The following TTBK2 variants were observed in gnomAD, a reference collection of about 807,000 sequenced individuals.
TTBK2 encodes the protein tau tubulin kinase 2.
TTBK2 carries 28 observed loss-of-function variants against 110.8 expected under a neutral mutation model. That is an observed-to-expected ratio of 0.25 (90% CI 0.19 to 0.35). The LOEUF (loss-of-function observed/expected upper bound fraction) is 0.35, where lower values mean the gene tolerates loss of function less well. TTBK2 is among the 10% of genes least tolerant of loss of function. The pLI, the probability that TTBK2 is intolerant of heterozygous loss-of-function variation, is 1.00. For missense variants in TTBK2, 1,369 were observed against 1,500.3 expected, an observed-to-expected ratio of 0.91 and a Z score of 1.45; for synonymous variants, 532 against 527.3, an observed-to-expected ratio of 1.01 and a Z score of -0.12.
chr15:42,855,326 C>T (rs1043851852), intron 3 of TTBK2: 2 of 152,098 alleles, frequency 1.3e-5, no homozygotes, highest in African/African-American at 2.4e-5. Context: ...GCAATTAGTA[C>T]CCTAGTGGTC....
chr15:42,856,719 T>C (rs1379497300), intron 3 of TTBK2, among the ~76,000 whole-genome samples: 4 of 152,150 alleles, frequency 2.6e-5, no homozygotes, highest in Non-Finnish European at 5.9e-5. Flanking sequence ...AAATTTTTTT[T>C]ATGAAAAAAG....
intron 3 of TTBK2, among the ~76,000 whole-genome samples, chr15:42,845,633 CAAAAAAA>C (rs894783459): frequency 6.5e-5 from 1 of 15,280 alleles, no homozygotes; most frequent in African/African-American, 1.3e-4. Context: ...GGCTGCATCT[CAAAAAAA>C]AAAAAAAAAA....
At chr15:42,818,559 A>C (rs1892143170) in intron 6 of TTBK2, among the ~76,000 whole-genome samples, 1 of 151,948 alleles carries the variant, frequency 6.6e-6, no homozygotes, top group Non-Finnish European at 1.5e-5. Flanking sequence ...CTCTACTAAA[A>C]ATACAAAAAA....
At position 42,779,585 on chromosome 15, in the gene TTBK2, C is replaced by T. The variant is rs1214202773; in HGVS notation, c.1198-2343G>A. On this transcript the variant is annotated intron_variant, in intron 11 of 14. Transcript: ENST00000267890. Reference sequence around the variant, plus strand: ...AAAGGAACTTCTGAAGGAAATATTTCCGGAAGAAAGATGAGCCAAGGACTT... The same window carrying T: ...AAAGGAACTTCTGAAGGAAATATTTTCGGAAGAAAGATGAGCCAAGGACTT... Among the ~76,000 whole-genome samples, 4 of 152,202 alleles carry T rather than the reference C, an allele frequency of 2.6e-5. No homozygotes were observed. In the East Asian group the frequency reaches 7.7e-4, roughly 29 times the overall value.
chr15:42,832,829 T>G (rs1250169566), intron 4 of TTBK2, among the ~76,000 whole-genome samples: 1 of 152,172 alleles, frequency 6.6e-6, no homozygotes, highest in Non-Finnish European at 1.5e-5. Flanking sequence ...TACCCAGATG[T>G]CCAGGGTTCA....
chr15:42,912,210 C>T (rs1409804549), intron 1 of TTBK2, among the ~76,000 whole-genome samples: 1 of 152,048 alleles, frequency 6.6e-6, no homozygotes, highest in African/African-American at 2.4e-5. Context: ...CTGTTTCAGT[C>T]GGCAAGGTGG....
chr15:42,907,922 T>A (rs1197534), intron 1 of TTBK2, among the ~76,000 whole-genome samples: 5,393 of 140,978 alleles, frequency 0.038, 105 homozygotes, highest in Middle Eastern at 0.067. Flanking sequence ...AAAAAAAAAA[T>A]AATAATAATA....
At chr15:42,808,655 T>G (rs894073832) in intron 9 of TTBK2, among the ~76,000 whole-genome samples, 2 of 151,700 alleles carry the variant, frequency 1.3e-5, no homozygotes, top group Non-Finnish European at 2.9e-5. Flanking sequence ...GAGACCTGCT[T>G]GGGCAACATA....
chr15:42,906,924 C>T (rs1490518426), intron 1 of TTBK2, among the ~76,000 whole-genome samples: 6 of 151,730 alleles, frequency 4.0e-5, no homozygotes, highest in South Asian at 2.1e-4. Flanking sequence ...GTGGCTCATG[C>T]CTATAATCTC....
chr15:42,917,180 A>G (rs938942797), intron 1 of TTBK2, among the ~76,000 whole-genome samples: 1 of 152,110 alleles, frequency 6.6e-6, no homozygotes, highest in Admixed American at 6.5e-5. Flanking sequence ...ATATACAATA[A>G]AAAACAGCTA....
Position 42,752,684 on chromosome 15 carries a change from A to C in TTBK2, c.2562T>G (p.Ile854Met), listed in dbSNP as rs2061883369. The change falls in exon 14 of 15, where the codon ATT becomes ATG. Residue 854 changes from isoleucine (I) to methionine (M), a missense_variant. Transcript: ENST00000267890. Reference protein sequence around the residue: ...MKLLTVGTSEISSRDIDPHVE... With the variant: ...MKLLTVGTSEMSSRDIDPHVE... The stretch of plus-strand genomic sequence containing the variant: ...CATGTGGGTCAATGTCTCTGGAAGA[A>C]ATTTCTGAAGTTCCAACTGTCAGAA... 1 of 1,614,122 alleles carries C rather than the reference A, an allele frequency of 6.2e-7. No individual in the cohort carries two copies. Among genetic ancestry groups the C allele is most frequent in the African/African-American group, 1.3e-5 (1 of 75,028 alleles).
chr15:42,796,207 C>G (rs1223899128), intron 9 of TTBK2, among the ~76,000 whole-genome samples: 1 of 152,150 alleles, frequency 6.6e-6, no homozygotes, highest in African/African-American at 2.4e-5. Flanking sequence ...GGTTCAAGAC[C>G]AGCCTGGCCA....
Position 42,872,635 on chromosome 15 carries a change from C to T in TTBK2, c.193G>A (p.Val65Ile). 1 of 1,614,102 alleles carries T rather than the reference C, an allele frequency of 6.2e-7. No individual in the cohort carries two copies. The highest frequency in any genetic ancestry group is 8.5e-7 in the Non-Finnish European group (1 of 1,180,012). The change falls in exon 3 of 15, where the codon GTT becomes ATT. Residue 65 changes from valine to isoleucine, a missense_variant. Transcript: ENST00000267890. ...QQPKQVLKME[V>I]AVLKKLQGKD... ...CCTTGCAGCTTTTTCAAAACAGCAA[C>T]TTCCATTTTCAGAACTTGTTTTGGT...
intron 13 of TTBK2, among the ~76,000 whole-genome samples, chr15:42,759,659 A>G (rs185450071): frequency 0.012 from 1,795 of 152,316 alleles, 135 homozygotes; most frequent in Admixed American, 0.11. Flanking sequence ...AAACATCACC[A>G]GCATGGGTTA....
chr15:42,816,085 A>ATATATATATATATATATATATAT (rs1567040790), intron 7 of TTBK2, among the ~76,000 whole-genome samples: 2 of 67,448 alleles, frequency 3.0e-5, no homozygotes, highest in South Asian at 5.1e-4. Flanking sequence ...TAAATAAATA[A>ATATATATATATATATATATATAT]ATATATATAT....
intron 2 of TTBK2, among the ~76,000 whole-genome samples, chr15:42,874,846 C>T (rs1214156708): frequency 2.6e-5 from 4 of 151,470 alleles, no homozygotes; most frequent in African/African-American, 7.3e-5. Context: ...ATTAGCCGGG[C>T]GTGGTGGCAT....
At chr15:42,915,028 C>T (rs553819363) in intron 1 of TTBK2, among the ~76,000 whole-genome samples, 1 of 152,336 alleles carries the variant, frequency 6.6e-6, no homozygotes, top group African/African-American at 2.4e-5. Context: ...ATGGTAGATG[C>T]TTAGCAAGTA....
At chr15:42,750,267 T>C (rs759220492) in intron 14 of TTBK2, among the ~76,000 whole-genome samples, 2 of 151,836 alleles carry the variant, frequency 1.3e-5, no homozygotes, top group Non-Finnish European at 2.9e-5. Flanking sequence ...TCAACAGAAA[T>C]TGTACCTGAA....
Position 42,739,128 on chromosome 15 carries a change from C to T in TTBK2, c.*6667G>A, listed in dbSNP as rs903552452. 1.1e-4 allele frequency: 16 copies of T among 152,150 alleles called. No individual in the cohort carries two copies. Among genetic ancestry groups the T allele is most frequent in the African/African-American group, 3.4e-4 (14 of 41,436 alleles). The allele number at this position is 152,150 out of a possible 1,614,324, so 9.4% of individuals were successfully genotyped here. ...CACTTTTATGTACAGGTGGCCTATA[C>T]AAAAGCACTCCATGTTTCTGCCGAT... On this transcript the variant is annotated 3_prime_UTR_variant, in exon 15 of 15. Transcript: ENST00000267890.
Sources: gnomAD v4.1 joint callset for allele counts (sites outside exome capture counted in the v4.1 genomes callset) on GRCh38, gnomAD v4.1.1 for gene constraint, MANE v1.5 for transcripts, NCBI Gene and HGNC (gene_info 2026-07-23, HGNC 2026-07-21) for gene names.